The following CCSER1 variants were observed in gnomAD, a reference collection of about 807,000 sequenced individuals.
CCSER1 encodes the protein coiled-coil serine rich protein 1, also known as serine-rich coiled-coil domain-containing protein 1.
Under a neutral mutation model 82.0 loss-of-function variants are expected in CCSER1, and 41 were observed. That is an observed-to-expected ratio of 0.50 (90% CI 0.39 to 0.65). The LOEUF (loss-of-function observed/expected upper bound fraction) is 0.65. Ranked by LOEUF, CCSER1 falls within the 30% of genes least tolerant of loss-of-function variation. The probability of loss-of-function intolerance (pLI) is 0.00; values close to 1 mark genes in which losing one functional copy is unlikely to be tolerated. For synonymous variants in CCSER1, 414 were observed against 383.9 expected (o/e 1.08, Z -0.92); for missense variants, 1,119 against 1,064.2 (o/e 1.05, Z -0.72).
At chr4:90,471,749 C>T (rs889172939) in intron 5 of CCSER1, among the ~76,000 whole-genome samples, 2 of 151,156 alleles carry the variant, frequency 1.3e-5, no homozygotes, top group Admixed American at 6.6e-5. Flanking sequence ...CCGAGGCGGG[C>T]GGATCACTTG....
chr4:90,129,228 A>G (rs1355031136), intron 1 of CCSER1, among the ~76,000 whole-genome samples: 5 of 152,256 alleles, frequency 3.3e-5, no homozygotes, highest in African/African-American at 1.2e-4. Context: ...GAAAACGGAT[A>G]AGAGGACACC....
At chr4:90,341,199 T>C (rs1741316475) in intron 3 of CCSER1, among the ~76,000 whole-genome samples, 1 of 152,128 alleles carries the variant, frequency 6.6e-6, no homozygotes, top group African/African-American at 2.4e-5. Flanking sequence ...GATAAATTTT[T>C]AACAGAATAG....
At chr4:91,020,955 A>G (rs1739903881) in intron 9 of CCSER1, among the ~76,000 whole-genome samples, 1 of 152,164 alleles carries the variant, frequency 6.6e-6, no homozygotes, top group Non-Finnish European at 1.5e-5. Flanking sequence ...AAATAACCCA[A>G]GCTACTAGCT....
At chr4:90,255,597 ACTTT>A (rs1262896340) in intron 1 of CCSER1, among the ~76,000 whole-genome samples, 1 of 152,186 alleles carries the variant, frequency 6.6e-6, no homozygotes, top group African/African-American at 2.4e-5. Context: ...TAGGATTTGT[ACTTT>A]CTAACAATTT....
chr4:90,580,010 G>T (rs765548193), intron 5 of CCSER1, among the ~76,000 whole-genome samples: 3 of 152,030 alleles, frequency 2.0e-5, no homozygotes, highest in Non-Finnish European at 4.4e-5. Context: ...AAAGAAAAAG[G>T]CCACATCTTA....
intron 6 of CCSER1, among the ~76,000 whole-genome samples, chr4:90,657,474 G>A (rs1729908527): frequency 6.6e-6 from 1 of 152,072 alleles, no homozygotes; most frequent in African/African-American, 2.4e-5. Flanking sequence ...CTTCTGCATA[G>A]TTCTTCTGTT....
chr4:91,338,429 T>C (rs936396746), intron 10 of CCSER1, among the ~76,000 whole-genome samples: 2 of 152,178 alleles, frequency 1.3e-5, no homozygotes, highest in African/African-American at 4.8e-5. Flanking sequence ...GAAACAACTC[T>C]GTAATTCTTG....
At chr4:90,262,659 A>G (rs764098690) in intron 1 of CCSER1, among the ~76,000 whole-genome samples, 1 of 152,078 alleles carries the variant, frequency 6.6e-6, no homozygotes, top group Non-Finnish European at 1.5e-5. Context: ...GCCTTGATGA[A>G]GGTGGCTGGG....
intron 10 of CCSER1, among the ~76,000 whole-genome samples, chr4:91,568,871 A>T (rs569311212): frequency 6.6e-6 from 1 of 152,208 alleles, no homozygotes; most frequent in Non-Finnish European, 1.5e-5. Context: ...TGGTTAAAAA[A>T]TCTTGTTGGA....
At chr4:90,597,368 G>A (rs1783466195) in intron 5 of CCSER1, among the ~76,000 whole-genome samples, 1 of 151,844 alleles carries the variant, frequency 6.6e-6, no homozygotes, top group African/African-American at 2.4e-5. Flanking sequence ...CTTATTAGAG[G>A]TTACATATTG....
At chr4:91,255,942 C>T (rs1053624207) in intron 10 of CCSER1, among the ~76,000 whole-genome samples, 1 of 152,046 alleles carries the variant, frequency 6.6e-6, no homozygotes, top group South Asian at 2.1e-4. Flanking sequence ...GATCTGGGCA[C>T]CTTGAAAAAG....
Position 91,577,920 on chromosome 4 carries a change from TA to T in CCSER1, c.2218-20642del, listed in dbSNP as rs374721940. On this transcript the variant is annotated intron_variant, in intron 10 of 10. Coordinates refer to ENST00000509176, the MANE Select transcript of CCSER1 (RefSeq NM_001145065.2). ...GAAAATTGTGGATGATTCTTCTGAT[TA>T]AAAAAAAAAGTTCTTGGACATTTTA... 5.4e-3 allele frequency among the ~76,000 whole-genome samples: 812 copies of T among 149,480 alleles called. 9 individuals are homozygous for T. The highest frequency in any genetic ancestry group is 0.016 in the African/African-American group (666 of 40,874).
intron 10 of CCSER1, among the ~76,000 whole-genome samples, chr4:91,131,040 A>G (rs1025033332): frequency 2.6e-5 from 4 of 151,882 alleles, no homozygotes; most frequent in African/African-American, 9.7e-5. Flanking sequence ...TATATTAGAG[A>G]AAACTTAAAA....
chr4:91,354,709 C>T (rs1748705864), intron 10 of CCSER1, among the ~76,000 whole-genome samples: 1 of 152,170 alleles, frequency 6.6e-6, no homozygotes, highest in South Asian at 2.1e-4. Context: ...GCTGGGAATT[C>T]ATCAGGAACT....
At chr4:90,293,477 A>T (rs945929404) in intron 1 of CCSER1, among the ~76,000 whole-genome samples, 3 of 151,496 alleles carry the variant, frequency 2.0e-5, no homozygotes, top group Admixed American at 6.6e-5. Context: ...TTAAATGCCC[A>T]ATAAGAGTTA....
chr4:91,594,093 G>A (rs1578879545), intron 10 of CCSER1, among the ~76,000 whole-genome samples: 1 of 151,898 alleles, frequency 6.6e-6, no homozygotes, highest in East Asian at 1.9e-4. Context: ...CAACTAAATT[G>A]CGCAGAATCT....
chr4:90,213,486 G>A (rs1038859727), intron 1 of CCSER1, among the ~76,000 whole-genome samples: 12 of 152,072 alleles, frequency 7.9e-5, no homozygotes, highest in South Asian at 4.2e-4. Flanking sequence ...GGAAGTCCAC[G>A]GTATATAGCT....
At chr4:90,962,683 G>T (rs927847450) in intron 9 of CCSER1, among the ~76,000 whole-genome samples, 5 of 152,080 alleles carry the variant, frequency 3.3e-5, no homozygotes, top group Admixed American at 2.0e-4. Context: ...GTAGGGTACT[G>T]TACATTAGAG....
At chr4:91,184,187 G>A (rs1440824622) in intron 10 of CCSER1, among the ~76,000 whole-genome samples, 1 of 152,072 alleles carries the variant, frequency 6.6e-6, no homozygotes, top group Non-Finnish European at 1.5e-5. Flanking sequence ...ATGTAACACT[G>A]TGAAAATTTT....
Sources: allele counts gnomAD v4.1 joint callset (sites outside exome capture counted in the v4.1 genomes callset), GRCh38; gene constraint gnomAD v4.1.1; transcripts MANE v1.5; gene names NCBI Gene and HGNC (gene_info 2026-07-23, HGNC 2026-07-21).